ANO5: variants seen among roughly 807,000 people sequenced by gnomAD.
ANO5 encodes anoctamin 5, also known as anoctamin-5.
In ANO5, 109 loss-of-function variants were observed where a neutral mutation model predicts 121.0. That is an observed-to-expected ratio of 0.90 (90% confidence interval 0.77 to 1.06). The LOEUF (loss-of-function observed/expected upper bound fraction) is 1.06, where lower values mean the gene tolerates loss of function less well. ANO5 is among the 50% of genes least tolerant of loss of function. The pLI, the probability that ANO5 is intolerant of heterozygous loss-of-function variation, is 0.00. For synonymous variants in ANO5, 406 were observed against 359.9 expected (o/e 1.13, Z -1.45); for missense variants, 1,064 against 1,078.5 (o/e 0.99, Z 0.19).
At chr11:22,234,491 G>A (rs1435484266) in intron 7 of ANO5, among the ~76,000 whole-genome samples, 2 of 152,138 alleles carry the variant, frequency 1.3e-5, no homozygotes, top group Admixed American at 6.6e-5. Context: ...CTCTGACAGC[G>A]GCGCTTTTCA....
intron 3 of ANO5, among the ~76,000 whole-genome samples, chr11:22,214,887 C>G (rs1161824070): frequency 6.6e-6 from 1 of 151,812 alleles, no homozygotes; most frequent in African/African-American, 2.4e-5. Flanking sequence ...GACAGAAACT[C>G]TATATCAATT....
Position 22,193,501 on chromosome 11 carries a change from C to G in ANO5, c.9C>G (p.Asp3Glu). The change falls in exon 1 of 22, where the codon GAC (aspartate) becomes GAG (glutamate). Residue 3 changes from aspartate to glutamate, a missense_variant. Coordinates refer to ENST00000324559, the MANE Select transcript of ANO5 (RefSeq NM_213599.3). ...TTAACGAGCTGGCGAAGATGGGCGA[C>G]CCGGATCTCCTGGAAGTGTTGGCGG... is the stretch of plus-strand genomic sequence containing the variant. MG[D>E]PDLLEVLAEE... 1 of 1,613,062 alleles carries G rather than the reference C, an allele frequency of 6.2e-7. No individual in the cohort carries two copies. The highest frequency in any genetic ancestry group is 8.5e-7 in the Non-Finnish European group (1 of 1,179,764).
chr11:22,224,336 C>G (rs941499574), intron 5 of ANO5, among the ~76,000 whole-genome samples: 22 of 152,028 alleles, frequency 1.4e-4, no homozygotes, highest in African/African-American at 5.3e-4. Flanking sequence ...AATGACTGTT[C>G]TGTATCTCAT....
chr11:22,209,274 G>A (rs1852210236), intron 2 of ANO5, among the ~76,000 whole-genome samples: 1 of 151,808 alleles, frequency 6.6e-6, no homozygotes, highest in South Asian at 2.1e-4. Flanking sequence ...AATTAAACAT[G>A]CATGACATGA....
At chr11:22,263,162 G>A in intron 17 of ANO5, 119 bp downstream of exon 17, 2 of 791,488 alleles carry the variant, frequency 2.5e-6, no homozygotes, top group Non-Finnish European at 4.1e-6. Flanking sequence ...TAAGCCAAAA[G>A]AAAGCTTTAT....
intron 1 of ANO5, among the ~76,000 whole-genome samples, chr11:22,202,663 G>A (rs774026771): frequency 2.0e-4 from 31 of 152,072 alleles, no homozygotes; most frequent in Non-Finnish European, 3.2e-4. Flanking sequence ...CAGCTCTCTG[G>A]AATCTCTTTA....
chr11:22,208,058 G>C (rs1852172214), intron 2 of ANO5, among the ~76,000 whole-genome samples: 1 of 152,016 alleles, frequency 6.6e-6, no homozygotes, highest in South Asian at 2.1e-4. Context: ...AGAGAAACTA[G>C]ATCTCTCACA....
At chr11:22,220,751 C>T (rs1852613649) in intron 4 of ANO5, among the ~76,000 whole-genome samples, 1 of 151,860 alleles carries the variant, frequency 6.6e-6, no homozygotes, top group Non-Finnish European at 1.5e-5. Flanking sequence ...TGTGTGTAGC[C>T]ATGAATTATT....
chr11:22,261,784 G>A (rs1590304363), intron 15 of ANO5: 1 of 262,220 alleles, frequency 3.8e-6, no homozygotes, highest in East Asian at 9.8e-5. Flanking sequence ...CTTGGCACGT[G>A]GGAATTACAA....
Position 22,193,171 on chromosome 11 carries a change from C to T in ANO5, c.-322C>T. ...ACAGGGACAGGTGCCTGGAGAAGTA[C>T]TGGGAGAGCGCCCAGGAGCGCTACC... On this transcript the variant is annotated 5_prime_UTR_variant, in exon 1 of 22. Coordinates refer to ENST00000324559, the MANE Select transcript of ANO5 (RefSeq NM_213599.3). 1 of 1,229,596 alleles carries T rather than the reference C, an allele frequency of 8.1e-7. No homozygotes were observed. Among genetic ancestry groups the T allele is most frequent in the Non-Finnish European group, 1.0e-6 (1 of 970,328 alleles). The allele number at this position is 1,229,596 out of a possible 1,614,324, so 76.2% of individuals were successfully genotyped here.
At chr11:22,241,363 G>A (rs4485115) in intron 9 of ANO5, among the ~76,000 whole-genome samples, 22,572 of 151,758 alleles carry the variant, frequency 0.15, 4,894 homozygotes, top group African/African-American at 0.47. Flanking sequence ...ATATAGGTGC[G>A]TGCATCTTTT....
chr11:22,266,913 G>C (rs1854386764), intron 17 of ANO5, among the ~76,000 whole-genome samples: 1 of 152,146 alleles, frequency 6.6e-6, no homozygotes, highest in South Asian at 2.1e-4. Flanking sequence ...TCTCCAGAGA[G>C]TGCAATTGTG....
intron 21 of ANO5, among the ~76,000 whole-genome samples, chr11:22,277,306 G>A (rs1206561003): frequency 6.6e-6 from 1 of 151,414 alleles, no homozygotes; most frequent in Non-Finnish European, 1.5e-5. Flanking sequence ...GAAGTATTTT[G>A]ATAATTTATT....
intron 16 of ANO5, 78 bp downstream of exon 16, chr11:22,262,376 T>C: frequency 6.7e-7 from 1 of 1,484,786 alleles, no homozygotes; most frequent in Non-Finnish European, 9.3e-7. Context: ...CAAGCACTGA[T>C]TCACATGCTA....
intron 3 of ANO5, among the ~76,000 whole-genome samples, chr11:22,216,206 G>A (rs1852437657): frequency 3.3e-5 from 5 of 151,774 alleles, no homozygotes. Context: ...AATTTCCTAG[G>A]AGTAGAATTT....
chr11:22,259,408 G>C (rs1269594180), intron 14 of ANO5, 111 bp from the exon 15 acceptor site: 2 of 1,158,566 alleles, frequency 1.7e-6, no homozygotes, highest in Non-Finnish European at 2.5e-6. Flanking sequence ...TTGCACATGA[G>C]AACTGCTAAA....
intron 3 of ANO5, among the ~76,000 whole-genome samples, chr11:22,215,717 A>G (rs1325650200): frequency 2.0e-5 from 3 of 151,994 alleles, no homozygotes; most frequent in Non-Finnish European, 4.4e-5. Context: ...CATTAAATAC[A>G]ATAAAATGCA....
chr11:22,254,530 G>A (rs754589075), intron 12 of ANO5, among the ~76,000 whole-genome samples: 1 of 149,466 alleles, frequency 6.7e-6, no homozygotes, highest in East Asian at 2.0e-4. Context: ...CCGTAGAGTC[G>A]AACACTATGC....
chr11:22,245,806 T>C (rs888691834), intron 9 of ANO5, among the ~76,000 whole-genome samples: 1 of 152,198 alleles, frequency 6.6e-6, no homozygotes, highest in Non-Finnish European at 1.5e-5. Flanking sequence ...ATTTTCTCAT[T>C]GTGTGCCTGT....
Sources: gnomAD v4.1 joint callset for allele counts (sites outside exome capture counted in the v4.1 genomes callset) on GRCh38, gnomAD v4.1.1 for gene constraint, MANE v1.5 for transcripts, NCBI Gene and HGNC (gene_info 2026-07-23, HGNC 2026-07-21) for gene names.